The following AVEN variants were observed in gnomAD, a reference collection of about 807,000 sequenced individuals.
AVEN encodes apoptosis and caspase activation inhibitor, also known as cell death regulator Aven.
AVEN carries 41 observed loss-of-function variants against 38.1 expected under a neutral mutation model. That is an observed-to-expected ratio of 1.08 (90% confidence interval 0.84 to 1.40). AVEN has a LOEUF of 1.40. Ranked by LOEUF, AVEN falls within the 40% of genes most tolerant of loss-of-function variation. AVEN has a pLI of 0.00. For synonymous variants in AVEN, 206 were observed against 171.8 expected, an observed-to-expected ratio of 1.20 and a Z score of -1.56; for missense variants, 605 against 438.8, an observed-to-expected ratio of 1.38 and a Z score of -3.38.
chr15:33,875,845 T>A (rs1891200789), intron 3 of AVEN, 80 bp downstream of exon 3: 2 of 1,327,598 alleles, frequency 1.5e-6, no homozygotes, highest in Non-Finnish European at 1.1e-6. Context: ...ACATGAAGAC[T>A]CTATCTCAAG....
chr15:34,003,879 A>G (rs1897231880), intron 1 of AVEN, among the ~76,000 whole-genome samples: 1 of 152,246 alleles, frequency 6.6e-6, no homozygotes, highest in Non-Finnish European at 1.5e-5. Flanking sequence ...GACCAGAACC[A>G]TCCAGATAGG....
chr15:33,996,241 C>T (rs543756237), intron 2 of AVEN, among the ~76,000 whole-genome samples: 2 of 152,212 alleles, frequency 1.3e-5, no homozygotes, highest in African/African-American at 2.4e-5. Flanking sequence ...AGACCCCACC[C>T]CTGGGGGCAG....
chr15:34,059,957 C>T (rs1475510098), intron 5 of AVEN, among the ~76,000 whole-genome samples: 1 of 152,064 alleles, frequency 6.6e-6, no homozygotes, highest in South Asian at 2.1e-4. Flanking sequence ...CCATAATAAA[C>T]ATTCAAATAT....
intron 2 of AVEN, among the ~76,000 whole-genome samples, chr15:33,893,150 T>A (rs139474665): frequency 0.012 from 1,857 of 152,314 alleles, 30 homozygotes; most frequent in African/African-American, 0.043. Flanking sequence ...AAATATACGA[T>A]CATGTCATCT....
At chr15:33,921,128 C>T (rs77783164) in intron 2 of AVEN, among the ~76,000 whole-genome samples, 5,468 of 152,262 alleles carry the variant, frequency 0.036, 137 homozygotes, top group African/African-American at 0.055. Context: ...AACTGTTTAA[C>T]GCTTTTCCAC....
intron 5 of AVEN, among the ~76,000 whole-genome samples, chr15:34,057,434 GC>G (rs1484272363): frequency 2.0e-5 from 3 of 151,996 alleles, no homozygotes; most frequent in Non-Finnish European, 4.4e-5. Context: ...GAGCCACTGT[GC>G]CCAGCCAGAA....
At chr15:34,006,739 GCAGAGA>G (rs1897363166) in intron 1 of AVEN, among the ~76,000 whole-genome samples, 1 of 152,146 alleles carries the variant, frequency 6.6e-6, no homozygotes, top group Non-Finnish European at 1.5e-5. Flanking sequence ...CTACACAAAT[GCAGAGA>G]CAGAGTTGTC....
downstream of AVEN, chr15:33,856,897 T>G (rs1384060262): frequency 6.6e-6 from 1 of 152,222 alleles, no homozygotes; most frequent in East Asian, 1.9e-4. Flanking sequence ...GACCTCGTGA[T>G]CCGCCCGCCT....
intron 2 of AVEN, among the ~76,000 whole-genome samples, chr15:33,876,253 G>C (rs1436995870): frequency 1.3e-5 from 2 of 152,120 alleles, no homozygotes; most frequent in Non-Finnish European, 2.9e-5. Context: ...CTTAGTCATT[G>C]GTAAATAAAT....
exon 3 of AVEN, chr15:34,066,792 G>A (rs907493322): frequency 7.1e-6 from 1 of 141,762 alleles, no homozygotes; most frequent in Non-Finnish European, 1.5e-5. Context: ...TCCAGTCTAA[G>A]TGACAGAGCA....
chr15:33,968,709 T>C (rs923571722), intron 2 of AVEN: 3 of 152,162 alleles, frequency 2.0e-5, no homozygotes, highest in Non-Finnish European at 2.9e-5. Context: ...AGAACATCCA[T>C]GCTTCTAGTC....
At chr15:33,993,527 C>T (rs1246575104) in intron 2 of AVEN, among the ~76,000 whole-genome samples, 1 of 152,092 alleles carries the variant, frequency 6.6e-6, no homozygotes, top group Non-Finnish European at 1.5e-5. Context: ...AAAATGGTTC[C>T]CACCTCTATG....
chr15:34,060,696 C>T (rs1302808223), intron 5 of AVEN, among the ~76,000 whole-genome samples: 9 of 152,108 alleles, frequency 5.9e-5, no homozygotes, highest in African/African-American at 1.9e-4. Context: ...GCCAACATGG[C>T]GAAACCTCAT....
At chr15:33,903,423 AG>A (rs1169660144) in intron 2 of AVEN, among the ~76,000 whole-genome samples, 11 of 152,216 alleles carry the variant, frequency 7.2e-5, no homozygotes. Flanking sequence ...GCGCTCCCAG[AG>A]AGGTTGTAAG....
chr15:34,062,845 T>A (rs781435131), intron 5 of AVEN: 2 of 1,614,236 alleles, frequency 1.2e-6, no homozygotes, highest in Non-Finnish European at 1.7e-6. Flanking sequence ...GTAAGCCTGA[T>A]CACCATTGTG....
rs1213644330 is a variant in AVEN, at chr15:33,924,929, T to C, written c.446-48934A>G. On this transcript the variant is annotated intron_variant, in intron 2 of 5. Coordinates refer to ENST00000306730, the MANE Select transcript of AVEN (RefSeq NM_020371.3). ...TACATATATTTTAAAATATGAATTA[T>C]GTTTGCAACTGTGATTGATAAATGC... Among the ~76,000 whole-genome samples, 7 of 152,340 alleles carry C rather than the reference T, an allele frequency of 4.6e-5. No homozygotes were observed. The East Asian group carries it at 1.3e-3, about 29-fold the overall frequency.
intron 2 of AVEN, among the ~76,000 whole-genome samples, chr15:33,966,764 G>C (rs181133428): frequency 6.6e-6 from 1 of 152,062 alleles, no homozygotes; most frequent in Non-Finnish European, 1.5e-5. Context: ...TTGTATTCTT[G>C]GAAAAGTTAA....
At chr15:33,982,219 T>C (rs148850191) in intron 2 of AVEN, among the ~76,000 whole-genome samples, 2 of 152,202 alleles carry the variant, frequency 1.3e-5, no homozygotes, top group African/African-American at 4.8e-5. Flanking sequence ...TCTGCAGATG[T>C]AGAGCTGCAT....
Position 33,933,524 on chromosome 15 carries a change from C to CAGAG in AVEN, c.446-57533_446-57530dup, listed in dbSNP as rs3086294. On this transcript the variant is annotated intron_variant, in intron 2 of 5. Coordinates refer to ENST00000306730, the MANE Select transcript of AVEN (RefSeq NM_020371.3). Reference sequence around the variant, plus strand: ...ACACACACACACACACACACACACACAGAGAGAGAGAGAGAGAGAGAGAGA... The same window carrying CAGAG: ...ACACACACACACACACACACACACACAGAGAGAGAGAGAGAGAGAGAGAGAGAGA... Among the ~76,000 whole-genome samples the CAGAG allele has an allele frequency of 3.0e-4, 14 of 46,642 alleles. 1 individual carries two copies. The highest frequency in any genetic ancestry group is 1.1e-3 in the South Asian group (1 of 890). 30.6% of individuals were successfully genotyped at this position (46,642 alleles called of 152,430 possible).
Sources: allele counts gnomAD v4.1 joint callset (sites outside exome capture counted in the v4.1 genomes callset), GRCh38; gene constraint gnomAD v4.1.1; transcripts MANE v1.5; gene names NCBI Gene and HGNC (gene_info 2026-07-23, HGNC 2026-07-21).